USP49: variants seen among roughly 807,000 people sequenced by gnomAD.
The protein encoded by USP49 is ubiquitin specific peptidase 49, also known as ubiquitin carboxyl-terminal hydrolase 49.
Under a neutral mutation model 58.6 loss-of-function variants are expected in USP49, and 24 were observed. The ratio of observed to expected loss-of-function variants is 0.41; its 90% CI spans 0.30 to 0.58. USP49 has a LOEUF of 0.58. Ranked by LOEUF, USP49 falls within the 20% of genes least tolerant of loss-of-function variation. The probability of loss-of-function intolerance (pLI) is 0.30; values close to 1 mark genes in which losing one functional copy is unlikely to be tolerated. For synonymous variants in USP49, 408 were observed against 365.1 expected, an observed-to-expected ratio of 1.12 and a Z score of -1.34; for missense variants, 703 against 866.1, an observed-to-expected ratio of 0.81 and a Z score of 2.36.
At position 41,794,993 on chromosome 6, in the gene USP49, C is replaced by T. The variant is rs538615760; in HGVS notation, c.*1540G>A. The T allele has an allele frequency of 8.5e-5, 13 of 152,204 alleles. No individual in the cohort carries two copies. The highest frequency in any genetic ancestry group is 1.3e-4 in the Admixed American group (2 of 15,284). The allele number at this position is 152,204 out of a possible 1,614,324, so 9.4% of individuals were successfully genotyped here. On this transcript the variant is annotated 3_prime_UTR_variant, in exon 8 of 8. Coordinates refer to ENST00000682992, the MANE Select transcript of USP49 (RefSeq NM_001286554.2). Reference sequence around the variant, plus strand: ...CTGTGTGGGAAATGTGGCTCATCAACATTGCTAAAGCTATAACCCTCATTC... The same window carrying T: ...CTGTGTGGGAAATGTGGCTCATCAATATTGCTAAAGCTATAACCCTCATTC...
At chr6:41,867,462 G>A (rs1305600460) in intron 3 of USP49, among the ~76,000 whole-genome samples, 1 of 151,978 alleles carries the variant, frequency 6.6e-6, no homozygotes, top group Non-Finnish European at 1.5e-5. Flanking sequence ...ATGTTCTTCT[G>A]GCCGGGCGCG....
chr6:41,837,149 C>T (rs1331753668), intron 3 of USP49, among the ~76,000 whole-genome samples: 2 of 151,984 alleles, frequency 1.3e-5, no homozygotes, highest in Non-Finnish European at 2.9e-5. Flanking sequence ...CCTGAATAGC[C>T]AACGCAATCA....
chr6:41,849,297 T>C (rs1773979070), intron 3 of USP49, among the ~76,000 whole-genome samples: 1 of 152,142 alleles, frequency 6.6e-6, no homozygotes, highest in Non-Finnish European at 1.5e-5. Context: ...CTTCTAAATA[T>C]ATGAAATAAA....
At chr6:41,798,564 C>A in intron 7 of USP49, 160 bp downstream of exon 7, 1 of 1,538,676 alleles carries the variant, frequency 6.5e-7, no homozygotes, top group Admixed American at 1.9e-5. Context: ...GTGTGAGCCA[C>A]GGCGCCCAAC....
At chr6:41,807,311 TAAA>T (rs1292395160) in intron 3 of USP49, among the ~76,000 whole-genome samples, 2 of 152,214 alleles carry the variant, frequency 1.3e-5, no homozygotes, top group East Asian at 1.9e-4. Context: ...GAAACTCAAA[TAAA>T]AAGTCAATTT....
chr6:41,848,741 G>A (rs914108706), intron 3 of USP49, among the ~76,000 whole-genome samples: 1 of 151,768 alleles, frequency 6.6e-6, no homozygotes, highest in Non-Finnish European at 1.5e-5. Flanking sequence ...TGTAGTCCCA[G>A]CTACTTGGGA....
In USP49 at chr6:41,806,089, C is replaced by T; in HGVS notation, c.895G>A (p.Gly299Arg). The T allele has an allele frequency of 6.2e-7, 1 of 1,614,024 alleles. No individual in the cohort carries two copies. Among genetic ancestry groups the T allele is most frequent in the Non-Finnish European group, 8.5e-7 (1 of 1,180,042 alleles). The change falls in exon 4 of 8, where the codon GGG (glycine) becomes AGG (arginine). Residue 299 changes from glycine to arginine, a missense_variant. This residue lies in a region of USP49 where 97 missense variants were observed against 88.0 expected (regional missense o/e 1.10). Coordinates refer to ENST00000682992, the MANE Select transcript of USP49 (RefSeq NM_001286554.2). This position sits in a 1 kb window ranked among gnomAD's most constrained non-coding sequence, Gnocchi z 5.9. Reference protein sequence around the residue: ...TEHLFPKATNGKTQLSGKPTN... With the variant: ...TEHLFPKATNRKTQLSGKPTN... The stretch of plus-strand genomic sequence containing the variant: ...GGCTTGCCAGAAAGCTGAGTCTTCC[C>T]GTTGGTGGCTTTGGGAAACAGATGT...
At chr6:41,895,094 G>C (rs1418231125) in intron 1 of USP49, among the ~76,000 whole-genome samples, 1 of 53,164 alleles carries the variant, frequency 1.9e-5, no homozygotes, top group East Asian at 4.9e-4. Context: ...CGCTCCTCCC[G>C]CCCGCGAGGC....
chr6:41,837,467 A>G (rs1247646900), intron 3 of USP49, among the ~76,000 whole-genome samples: 2 of 152,242 alleles, frequency 1.3e-5, no homozygotes, highest in African/African-American at 4.8e-5. Context: ...AACATGGGTT[A>G]AAGACTTAAA....
At chr6:41,874,059 C>T (rs1774460188) in intron 2 of USP49, 1 of 152,204 alleles carries the variant, frequency 6.6e-6, no homozygotes, top group Non-Finnish European at 1.5e-5. Context: ...TTCCCAAAGT[C>T]AGGAGGCCAT....
chr6:41,831,024 A>G (rs982594439), intron 3 of USP49, among the ~76,000 whole-genome samples: 2 of 152,086 alleles, frequency 1.3e-5, no homozygotes, highest in Admixed American at 1.3e-4. Context: ...TGGGAGGCAG[A>G]GGTGGGCAGA....
At chr6:41,828,336 C>T (rs1364525637) in intron 3 of USP49, among the ~76,000 whole-genome samples, 2 of 152,054 alleles carry the variant, frequency 1.3e-5, no homozygotes, top group African/African-American at 2.4e-5. Context: ...GTAGTCCCAG[C>T]TACTTGGGAG....
chr6:41,840,433 G>C (rs1202322330), intron 3 of USP49, among the ~76,000 whole-genome samples: 5 of 151,112 alleles, frequency 3.3e-5, no homozygotes, highest in African/African-American at 1.2e-4. Context: ...GATTTTGGAA[G>C]AACACAATAA....
intron 3 of USP49, among the ~76,000 whole-genome samples, chr6:41,861,527 G>C (rs1468001515): frequency 6.6e-6 from 1 of 152,098 alleles, no homozygotes; most frequent in Admixed American, 6.6e-5. Context: ...GTCTCCAGTA[G>C]CTTCCCTAGA....
At chr6:41,800,212 T>C (rs1055419592) in intron 5 of USP49, among the ~76,000 whole-genome samples, 1 of 152,206 alleles carries the variant, frequency 6.6e-6, no homozygotes, top group African/African-American at 2.4e-5. Flanking sequence ...GCACATCCCT[T>C]TGGCCTTCCC....
At position 41,791,670 on chromosome 6, in the gene USP49, T is replaced by C. The variant is rs1289492459; in HGVS notation, c.*4863A>G. 3 of 152,178 alleles carry C rather than the reference T, an allele frequency of 2.0e-5. No homozygotes were observed. The highest frequency in any genetic ancestry group is 2.9e-5 in the Non-Finnish European group (2 of 68,044). 9.4% of individuals were successfully genotyped at this position (152,178 alleles called of 1,614,324 possible). A position where few individuals can be genotyped will look rare whatever the true frequency, so the allele number is the denominator to read the frequency against. Reference sequence around the variant, plus strand: ...TTTAAACGAAATATGCCAGCAGAAGTATGGAATGAGTCCACAAAAATGAGT... The same window carrying C: ...TTTAAACGAAATATGCCAGCAGAAGCATGGAATGAGTCCACAAAAATGAGT... On this transcript the variant is annotated 3_prime_UTR_variant, in exon 8 of 8. Transcript: ENST00000682992.
chr6:41,805,616 G>C lies in USP49; in HGVS notation c.1356+12C>G. On this transcript the variant is annotated intron_variant, in intron 4 of 7. Transcript: ENST00000682992. Reference sequence around the variant, plus strand: ...TACAAGCCTCTCATTGTCATGGTAGGCACACACATACCTGACTGAGCAGCT... The same window carrying C: ...TACAAGCCTCTCATTGTCATGGTAGCCACACACATACCTGACTGAGCAGCT... The C allele has an allele frequency of 6.2e-7, 1 of 1,601,458 alleles. No individual in the cohort carries two copies. Among genetic ancestry groups the C allele is most frequent in the Non-Finnish European group, 8.5e-7 (1 of 1,171,060 alleles).
chr6:41,839,338 G>A (rs572928764), intron 3 of USP49, among the ~76,000 whole-genome samples: 144 of 147,774 alleles, frequency 9.7e-4, no homozygotes, highest in Middle Eastern at 7.3e-3. Flanking sequence ...CCCAGGAGGC[G>A]GAGGTTGCAA....
chr6:41,812,549 C>T (rs1000198917), intron 3 of USP49, among the ~76,000 whole-genome samples: 5 of 151,644 alleles, frequency 3.3e-5, no homozygotes, highest in Admixed American at 6.6e-5. Flanking sequence ...AAAAAATAGC[C>T]GGGCGTGGTG....
Sources: gnomAD v4.1 joint callset for allele counts (sites outside exome capture counted in the v4.1 genomes callset) on GRCh38, gnomAD v4.1.1 for gene constraint, gnomAD v4.1.1 regional missense constraint, Gnocchi (gnomAD v3.1) non-coding constraint, MANE v1.5 for transcripts, NCBI Gene and HGNC (gene_info 2026-07-23, HGNC 2026-07-21) for gene names.